TXNRD1: variants seen among roughly 807,000 people sequenced by gnomAD.
TXNRD1 encodes thioredoxin reductase 1, cytoplasmic.
A neutral mutation model predicts 80.3 loss-of-function variants in TXNRD1; 57 were observed. The observed-to-expected ratio is 0.71, with a 90% confidence interval of 0.57 to 0.89. The LOEUF is 0.89. Among genes scored for constraint, TXNRD1 ranks in the 40% least tolerant of loss-of-function variants. The pLI, the probability that TXNRD1 is intolerant of heterozygous loss-of-function variation, is 0.00. For missense variants in TXNRD1, 730 were observed against 803.0 expected, an observed-to-expected ratio of 0.91 and a Z score of 1.10; for synonymous variants, 291 against 285.2, an observed-to-expected ratio of 1.02 and a Z score of -0.20.
chr12:104,289,165 A>AGTTATAGCCACTGAGGGATTTATAGC, intron 4 of TXNRD1, 125 bp downstream of exon 4: 1 of 1,167,344 alleles, frequency 8.6e-7, no homozygotes, highest in Non-Finnish European at 1.2e-6. Flanking sequence ...CTGGGAAATG[A>AGTTATAGCCACTGAGGGATTTATAGC]CGAAAAACGC....
chr12:104,347,185 T>C (rs2036522011), intron 16 of TXNRD1, among the ~76,000 whole-genome samples: 1 of 152,212 alleles, frequency 6.6e-6, no homozygotes, highest in African/African-American at 2.4e-5. Flanking sequence ...AATGATTTTT[T>C]TTTTTGGATA....
At chr12:104,318,822 C>A (rs1593830710) in intron 7 of TXNRD1, 91 bp from the exon 8 acceptor site, 3 of 1,417,618 alleles carry the variant, frequency 2.1e-6, no homozygotes, top group Non-Finnish European at 2.9e-6. Flanking sequence ...TAGAGCTCTG[C>A]TCCCTGTATT....
intron 4 of TXNRD1, among the ~76,000 whole-genome samples, chr12:104,299,456 AC>A (rs2034543505): frequency 6.6e-6 from 1 of 152,122 alleles, no homozygotes. Flanking sequence ...CACAAACATA[AC>A]TTTAAAGAAA....
rs559960207 is a variant in TXNRD1, at chr12:104,285,195, T to C, written c.305-3736T>C. On this transcript the variant is annotated intron_variant, in intron 3 of 16. Transcript: ENST00000525566. ...TCAAACAAACAAACAAACAAACAAA[T>C]AAATAAATAAATTGCTGCATGATGA... 5.9e-5 allele frequency among the ~76,000 whole-genome samples: 9 copies of C among 151,718 alleles called. No homozygotes were observed. In the South Asian group the frequency reaches 1.0e-3, roughly 18 times the overall value.
rs137935972 is a variant in TXNRD1, at chr12:104,305,929, A to G, written c.415-5361A>G. ...TATCTTTTTTTTTCCCCCTCGAGAC[A>G]GAGTATCACTCTTGCCCAGGCTGGG... On this transcript the variant is annotated intron_variant, in intron 4 of 16. Coordinates refer to ENST00000525566, the MANE Select transcript of TXNRD1 (RefSeq NM_001093771.3). Among the ~76,000 whole-genome samples, 689 of 152,046 alleles carry G rather than the reference A, an allele frequency of 4.5e-3. 5 individuals carry two copies. The highest frequency in any genetic ancestry group is 0.015 in the African/African-American group (626 of 41,436).
intron 1 of TXNRD1, among the ~76,000 whole-genome samples, chr12:104,247,293 C>T (rs892148724): frequency 4.6e-5 from 7 of 152,116 alleles, no homozygotes; most frequent in South Asian, 2.1e-4. Context: ...GTCTCAAACT[C>T]GTGACCTCAG....
At chr12:104,266,115 G>A (rs893442968) in intron 3 of TXNRD1, among the ~76,000 whole-genome samples, 1 of 152,104 alleles carries the variant, frequency 6.6e-6, no homozygotes, top group Non-Finnish European at 1.5e-5. Context: ...TGTGTACCTT[G>A]CTGGGCTCAG....
chr12:104,294,225 G>A (rs1408640063), intron 4 of TXNRD1, among the ~76,000 whole-genome samples: 1 of 22,478 alleles, frequency 4.4e-5, no homozygotes, highest in South Asian at 4.0e-3. Context: ...AAACTCCCCC[G>A]GGGAAAGGCC....
intron 16 of TXNRD1, chr12:104,345,978 A>G (rs550450170): frequency 1.6e-6 from 2 of 1,288,812 alleles, no homozygotes; most frequent in Non-Finnish European, 2.0e-6. Context: ...AAATTCTAAA[A>G]CAGTTGTGTA....
chr12:104,306,755 T>G (rs1205799994), intron 4 of TXNRD1, among the ~76,000 whole-genome samples: 2 of 152,216 alleles, frequency 1.3e-5, no homozygotes, highest in Non-Finnish European at 2.9e-5. Context: ...TATCCTTTGA[T>G]TTATAGTAGC....
At chr12:104,321,033 T>C (rs2035507955) in intron 9 of TXNRD1, 58 bp from the exon 10 acceptor site, 2 of 1,204,070 alleles carry the variant, frequency 1.7e-6, no homozygotes, top group Non-Finnish European at 2.4e-6. Flanking sequence ...GATTTAGTAA[T>C]TATTTATATA....
intron 16 of TXNRD1, 40 bp from the exon 17 acceptor site, chr12:104,348,313 T>C: frequency 6.2e-7 from 1 of 1,604,190 alleles, no homozygotes; most frequent in Non-Finnish European, 8.5e-7. Flanking sequence ...CCTCATTTGC[T>C]CAGGCATCTG....
chr12:104,234,638 G>GA (rs33956129), intron 1 of TXNRD1, among the ~76,000 whole-genome samples: 54,463 of 125,660 alleles, frequency 0.43, 11,972 homozygotes, highest in East Asian at 0.65. Flanking sequence ...TAAAGTCAGG[G>GA]AAAAAAAAAA....
At chr12:104,235,336 T>A (rs2032715041) in intron 1 of TXNRD1, among the ~76,000 whole-genome samples, 1 of 152,126 alleles carries the variant, frequency 6.6e-6, no homozygotes, top group Non-Finnish European at 1.5e-5. Context: ...TGTGGGTTGT[T>A]ACAGATTGGG....
chr12:104,327,548 G>T lies in TXNRD1; in HGVS notation c.1419G>T (p.Gln473His). ...AAATACCTGTCACAGATGAAGAACA[G>T]ACCAATGTGCCTTACATCTATGCCA... is the stretch of plus-strand genomic sequence containing the variant. ...TGKIPVTDEE[Q>H]TNVPYIYAIG... The change falls in exon 13 of 17, where the codon CAG (glutamine) becomes CAT (histidine). Residue 473 changes from glutamine (Q) to histidine (H), a missense_variant. By Grantham distance (24) the Gln-to-His change is conservative. Transcript: ENST00000525566. The T allele has an allele frequency of 1.9e-6, 3 of 1,613,632 alleles. No individual in the cohort carries two copies. The highest frequency in any genetic ancestry group is 2.5e-6 in the Non-Finnish European group (3 of 1,179,780).
At chr12:104,283,273 C>T (rs553270677) in intron 3 of TXNRD1, among the ~76,000 whole-genome samples, 16 of 151,858 alleles carry the variant, frequency 1.1e-4, no homozygotes, top group African/African-American at 3.1e-4. Flanking sequence ...TTTTTTGAGA[C>T]GGAGTCTTGC....
chr12:104,335,200 CTTTTTT>C (rs61316589), intron 15 of TXNRD1, among the ~76,000 whole-genome samples: 9 of 123,850 alleles, frequency 7.3e-5, no homozygotes, highest in African/African-American at 6.2e-5. Context: ...TATTACAGTC[CTTTTTT>C]TTTTTTTTTT....
chr12:104,319,658 C>A, intron 9 of TXNRD1, 73 bp downstream of exon 9: 2 of 1,110,954 alleles, frequency 1.8e-6, no homozygotes, highest in Admixed American at 2.3e-5. Context: ...TTCAAACCCA[C>A]TGCGTCAATT....
At position 104,254,246 on chromosome 12, in the gene TXNRD1, G is replaced by A. The variant is rs78588235; in HGVS notation, c.243+2568G>A. 2.2e-3 allele frequency among the ~76,000 whole-genome samples: 330 copies of A among 152,184 alleles called. 1 individual carries two copies. The highest frequency in any genetic ancestry group is 7.5e-3 in the African/African-American group (310 of 41,500). ...TATAAAAGCCATAGAACATACCTGA[G>A]ACATAGTAAACACTATATCAGTGTT... On this transcript the variant is annotated intron_variant, in intron 2 of 16. Coordinates refer to ENST00000525566, the MANE Select transcript of TXNRD1 (RefSeq NM_001093771.3).
Sources: gnomAD v4.1 joint callset for allele counts (sites outside exome capture counted in the v4.1 genomes callset) on GRCh38, gnomAD v4.1.1 for gene constraint, MANE v1.5 for transcripts, NCBI Gene and HGNC (gene_info 2026-07-23, HGNC 2026-07-21) for gene names.